Variants in PCDHA7 observed in about 807,000 individuals in gnomAD.
PCDHA7 encodes protocadherin alpha 7, also known as protocadherin alpha-7.
Under a neutral mutation model 57.2 loss-of-function variants are expected in PCDHA7, and 37 were observed. The ratio of observed to expected loss-of-function variants is 0.65; its 90% CI spans 0.50 to 0.85. The LOEUF is 0.85. Among genes scored for constraint, PCDHA7 ranks in the 40% least tolerant of loss-of-function variants. The probability of loss-of-function intolerance (pLI) is 0.00; values close to 1 mark genes in which losing one functional copy is unlikely to be tolerated. For missense variants in PCDHA7, 1,188 were observed against 1,241.8 expected (o/e 0.96, Z 0.65); for synonymous variants, 553 against 558.8 (o/e 0.99, Z 0.15).
chr5:140,849,369 A>T, intron 1 of PCDHA7: 1 of 1,490,294 alleles, frequency 6.7e-7, no homozygotes, highest in Non-Finnish European at 9.2e-7. Flanking sequence ...TATAAAATCC[A>T]AGTTCCACAT....
chr5:140,941,198 T>TC (rs1563184066), intron 1 of PCDHA7, among the ~76,000 whole-genome samples: 3 of 119,812 alleles, frequency 2.5e-5, no homozygotes, highest in African/African-American at 1.0e-4. Flanking sequence ...TTTTTTTCTT[T>TC]CTTCCTTTCT....
chr5:140,842,111 C>T, intron 1 of PCDHA7: 1 of 1,613,876 alleles, frequency 6.2e-7, no homozygotes, highest in Non-Finnish European at 8.5e-7. Context: ...AGTTATCAAA[C>T]TGAATGCTTC....
intron 1 of PCDHA7, among the ~76,000 whole-genome samples, chr5:140,886,340 G>A (rs2060950327): frequency 6.6e-6 from 1 of 151,864 alleles, no homozygotes; most frequent in East Asian, 1.9e-4. Flanking sequence ...TGTGCAGAAC[G>A]TGCAGGTTTG....
In PCDHA7 at chr5:140,869,280, G is replaced by A. The variant is rs1294171258; in HGVS notation, c.2355+32542G>A. 8 of 1,613,486 alleles carry A rather than the reference G, an allele frequency of 5.0e-6. No individual in the cohort carries two copies. In the African/African-American group the frequency reaches 8.0e-5, roughly 16 times the overall value. On this transcript the variant is annotated intron_variant, in intron 1 of 3. Transcript: ENST00000525929. ...ACCTGGGGCTGGAGCTGGCGGAGCT[G>A]GTGCAGCGCCTGTTCCGGGTGGCGT...
In PCDHA7 at chr5:140,850,134, A is replaced by C. The variant is rs2150469280; in HGVS notation, c.2355+13396A>C. 12 of 1,595,730 alleles carry C rather than the reference A, an allele frequency of 7.5e-6. 1 individual carries two copies. The highest frequency in any genetic ancestry group is 1.0e-5 in the Non-Finnish European group (12 of 1,167,876). On this transcript the variant is annotated intron_variant, in intron 1 of 3. Transcript: ENST00000525929. ...CGACGCGGGCGTGCCGCCTCTGGGC[A>C]GCAACGTGACGCTGCAGGTGTTCGT...
rs1554202869 is a variant in PCDHA7, at chr5:140,925,671, A to AATG, written c.2356-53276_2356-53275insGAT. Among the ~76,000 whole-genome samples the AATG allele has an allele frequency of 4.6e-4, 68 of 148,180 alleles. 1 individual carries two copies. The highest frequency in any genetic ancestry group is 1.6e-3 in the African/African-American group (66 of 40,022). On this transcript the variant is annotated intron_variant, in intron 1 of 3. Transcript: ENST00000525929. ...TAATAATAATAATAATAATAATAAT[A>AATG]ATAATAAAGCGAGGGTGGGTATCTA...
chr5:140,934,515 C>A (rs1163045974), intron 1 of PCDHA7, among the ~76,000 whole-genome samples: 1 of 152,214 alleles, frequency 6.6e-6, no homozygotes, highest in Admixed American at 6.5e-5. Context: ...GGTCCATAGA[C>A]CACACTTCGA....
At chr5:140,942,260 T>TA (rs2093256424) in intron 1 of PCDHA7, among the ~76,000 whole-genome samples, 1 of 152,086 alleles carries the variant, frequency 6.6e-6, no homozygotes, top group African/African-American at 2.4e-5. Flanking sequence ...AAAAGATATC[T>TA]AAAGCTGGTA....
At chr5:140,971,643 T>C (rs2096490301) in intron 1 of PCDHA7, among the ~76,000 whole-genome samples, 2 of 152,134 alleles carry the variant, frequency 1.3e-5, no homozygotes, top group African/African-American at 4.8e-5. Flanking sequence ...TGTGCCTACA[T>C]TAAAAGTAGA....
At chr5:140,941,239 C>CTTTCTTTCTTTCT in intron 1 of PCDHA7, among the ~76,000 whole-genome samples, 1 of 134,600 alleles carries the variant, frequency 7.4e-6, no homozygotes, top group South Asian at 2.4e-4. Flanking sequence ...TTCTTTCTTT[C>CTTTCTTTCTTTCT]TTTCTTTCTT....
chr5:140,955,493 T>G (rs1554221955), intron 1 of PCDHA7, among the ~76,000 whole-genome samples: 1 of 152,190 alleles, frequency 6.6e-6, no homozygotes, highest in African/African-American at 2.4e-5. Flanking sequence ...CCTGCCACCA[T>G]GTGAAGAAAG....
chr5:140,870,421 G>A (rs782065685), intron 1 of PCDHA7: 1 of 1,614,216 alleles, frequency 6.2e-7, no homozygotes, highest in Non-Finnish European at 8.5e-7. Flanking sequence ...CACGGCCAGG[G>A]TATCCGTGGA....
chr5:140,843,248 C>G, intron 1 of PCDHA7: 1 of 1,596,046 alleles, frequency 6.3e-7, no homozygotes, highest in Non-Finnish European at 8.6e-7. Context: ...AGCGGACTCT[C>G]CGCGCCACCG....
rs2150413106 is a variant in PCDHA7, at chr5:140,848,576, GA to G, written c.2355+11839del. The G allele has an allele frequency of 8.8e-6, 14 of 1,595,434 alleles. No homozygotes were observed. The Admixed American group carries it at 2.0e-4, about 23-fold the overall frequency. On this transcript the variant is annotated intron_variant, in intron 1 of 3. Transcript: ENST00000525929. Reference sequence around the variant, plus strand: ...TGATCCTCGCAATGTGGGTGGTGGGGAGCGGCCAGCTCCACTACTCCGTCCC... The same window carrying G: ...TGATCCTCGCAATGTGGGTGGTGGGGGCGGCCAGCTCCACTACTCCGTCCC...
chr5:140,993,811 G>A (rs1554253953), intron 3 of PCDHA7, among the ~76,000 whole-genome samples: 3 of 152,154 alleles, frequency 2.0e-5, no homozygotes, highest in African/African-American at 2.4e-5. Flanking sequence ...TGTAGCCTAG[G>A]AGCAATAGGC....
At chr5:140,877,708 G>A in intron 1 of PCDHA7, 12 of 1,614,072 alleles carry the variant, frequency 7.4e-6, no homozygotes, top group Non-Finnish European at 1.0e-5. Flanking sequence ...CAGCGCCGTG[G>A]GGAGTTGGTC....
At chr5:140,988,014 A>G (rs782358781) in intron 3 of PCDHA7, among the ~76,000 whole-genome samples, 4 of 152,242 alleles carry the variant, frequency 2.6e-5, no homozygotes, top group African/African-American at 7.2e-5. Context: ...GAAAGAAAGC[A>G]TGATTCTTAA....
In PCDHA7 at chr5:140,836,337, A is replaced by C. The variant is rs143048298; in HGVS notation, c.1954A>C (p.Lys652Gln). 5 of 1,613,530 alleles carry C rather than the reference A, an allele frequency of 3.1e-6. No individual in the cohort carries two copies. The African/African-American group carries it at 6.7e-5, about 22-fold the overall frequency. ...APRHRLLVLVKDHGEPSLTAT... is the reference protein window; with the variant it reads ...APRHRLLVLVQDHGEPSLTAT... ...GCGCCACCGCCTTCTGGTGCTTGTG[A>C]AGGACCACGGGGAGCCCTCGCTGAC... The change falls in exon 1 of 4, where the codon AAG becomes CAG. Residue 652 changes from lysine (K) to glutamine (Q), a missense_variant. Transcript: ENST00000525929.
intron 1 of PCDHA7, chr5:140,871,028 C>T (rs782198197): frequency 1.2e-5 from 20 of 1,613,116 alleles, no homozygotes; most frequent in Admixed American, 1.7e-5. Context: ...GCAGACTCGC[C>T]GCGCCACCGA....
Sources: gnomAD v4.1 joint callset for allele counts (sites outside exome capture counted in the v4.1 genomes callset) on GRCh38, gnomAD v4.1.1 for gene constraint, MANE v1.5 for transcripts, NCBI Gene and HGNC (gene_info 2026-07-23, HGNC 2026-07-21) for gene names.